Variants in RILPL1 observed in about 807,000 individuals in gnomAD.
RILPL1 encodes RILP-like protein 1.
A neutral mutation model predicts 50.3 loss-of-function variants in RILPL1; 33 were observed. The observed-to-expected ratio is 0.66, with a 90% CI of 0.50 to 0.88. The LOEUF (loss-of-function observed/expected upper bound fraction) is 0.88. RILPL1 is among the 40% of genes least tolerant of loss of function. RILPL1 has a pLI of 0.00. For synonymous variants in RILPL1, 205 were observed against 228.6 expected (o/e 0.90, Z 0.93); for missense variants, 418 against 542.5 (o/e 0.77, Z 2.28).
At chr12:123,518,500 CA>C (rs60479214) in intron 2 of RILPL1, 11,684 of 82,672 alleles carry the variant, frequency 0.14, 738 homozygotes, top group African/African-American at 0.32. Flanking sequence ...GAGACCTGTC[CA>C]AAAAAAAAAA....
chr12:123,492,343 C>T lies in RILPL1; in HGVS notation c.801+6201G>A, dbSNP rs112114080. ...AAGTTAAAGAAGCCAGGCAGGACCA[C>T]ATGTTGTAGGATCCCACTGATGCCA... On this transcript the variant is annotated intron_variant, in intron 4 of 6. Transcript: ENST00000376874. 3.1e-3 allele frequency among the ~76,000 whole-genome samples: 471 copies of T among 152,282 alleles called. 1 individual carries two copies. The highest frequency in any genetic ancestry group is 9.5e-3 in the African/African-American group (395 of 41,570).
chr12:123,528,166 C>A (rs966485168), intron 1 of RILPL1, among the ~76,000 whole-genome samples: 4 of 151,534 alleles, frequency 2.6e-5, no homozygotes, highest in African/African-American at 9.7e-5. Context: ...CAGGAGTCTG[C>A]AGCCAGCCTG....
intron 4 of RILPL1, among the ~76,000 whole-genome samples, chr12:123,486,833 C>G (rs1882373051): frequency 6.6e-6 from 1 of 151,822 alleles, no homozygotes; most frequent in South Asian, 2.1e-4. Flanking sequence ...CGGAATCTCT[C>G]TGTCACCCAG....
chr12:123,472,289 A>C lies in RILPL1; in HGVS notation c.*249T>G. ...TGGCCTCCGTTTGTGGGATTATTAA[A>C]TATATATCCTACGGGATCAGAGTCA... is the stretch of plus-strand genomic sequence containing the variant. On this transcript the variant is annotated 3_prime_UTR_variant, in exon 7 of 7. Transcript: ENST00000376874. The C allele has an allele frequency of 2.2e-6, 1 of 460,764 alleles. No individual in the cohort carries two copies. Among genetic ancestry groups the C allele is most frequent in the Admixed American group, 3.5e-5 (1 of 28,356 alleles). 28.5% of individuals were successfully genotyped at this position (460,764 alleles called of 1,614,324 possible).
At position 123,531,042 on chromosome 12, in the gene RILPL1, ACAGACTAAAC is replaced by A. The variant is rs1463320966; in HGVS notation, c.309+2122_309+2131del. Among the ~76,000 whole-genome samples, 8 of 152,166 alleles carry A rather than the reference ACAGACTAAAC, an allele frequency of 5.3e-5. No homozygotes were observed. The East Asian group carries it at 1.4e-3, about 26-fold the overall frequency. On this transcript the variant is annotated intron_variant, in intron 1 of 6. Transcript: ENST00000376874. ...GGAAAGGGAAGAGGAATGGAGGTGG[ACAGACTAAAC>A]CAGGACATGCCAAAAACATTTTTGT...
At chr12:123,497,308 T>A (rs1883093611) in intron 4 of RILPL1, among the ~76,000 whole-genome samples, 1 of 152,202 alleles carries the variant, frequency 6.6e-6, no homozygotes, top group Admixed American at 6.5e-5. Flanking sequence ...ATCCTCAAAC[T>A]CCTGGGCTCA....
Position 123,533,197 on chromosome 12 carries a change from C to T in RILPL1, c.286G>A (p.Glu96Lys). Residue 96 changes from glutamate to lysine, a missense_variant, in exon 1 of 7, where the codon GAG becomes AAG. By Grantham distance (56) the Glu-to-Lys change is moderately conservative. Transcript: ENST00000376874. This position sits in a 1 kb window ranked among gnomAD's most constrained non-coding sequence, Gnocchi z 6.2. ...ACCTTCTGGTGCTTGCGCTCCTTCT[C>T]GATGCGGTCCATCCTCTCCAGGCGC... is the stretch of plus-strand genomic sequence containing the variant. ...RLRLERMDRI[E>K]KERKHQKELE... 1 of 1,572,260 alleles carries T rather than the reference C, an allele frequency of 6.4e-7. No individual in the cohort carries two copies. The highest frequency in any genetic ancestry group is 2.3e-5 in the East Asian group (1 of 43,516).
At chr12:123,503,590 C>G (rs919731777) in intron 2 of RILPL1, among the ~76,000 whole-genome samples, 1 of 152,090 alleles carries the variant, frequency 6.6e-6, no homozygotes, top group African/African-American at 2.4e-5. Flanking sequence ...GTCTCTGCCT[C>G]TGTGGTCCCG....
chr12:123,504,149 T>C (rs1199709121), intron 2 of RILPL1, among the ~76,000 whole-genome samples: 1 of 152,164 alleles, frequency 6.6e-6, no homozygotes, highest in African/African-American at 2.4e-5. Context: ...GGGCTGCCAG[T>C]GCACACCTGC....
At position 123,470,189 on chromosome 12, in the gene RILPL1, G is replaced by T. The variant is rs1297900817; in HGVS notation, c.*2349C>A. 6.6e-6 allele frequency: 1 copy of T among 151,980 alleles called. No homozygotes were observed. 9.4% of individuals were successfully genotyped at this position (151,980 alleles called of 1,614,324 possible). On this transcript the variant is annotated 3_prime_UTR_variant, in exon 7 of 7. Transcript: ENST00000376874. The stretch of plus-strand genomic sequence containing the variant: ...GGATCTGCTGACTTATCAAAAAAGT[G>T]ACATTTGGCCAGGCACGGTGGCTCA...
At chr12:123,506,249 G>T (rs1342728917) in intron 2 of RILPL1, among the ~76,000 whole-genome samples, 3 of 152,242 alleles carry the variant, frequency 2.0e-5, no homozygotes, top group African/African-American at 7.2e-5. Context: ...AGGCCCTGGG[G>T]GAGGGGCTGC....
intron 4 of RILPL1, among the ~76,000 whole-genome samples, chr12:123,493,113 C>T (rs1042168717): frequency 2.6e-5 from 4 of 152,272 alleles, no homozygotes; most frequent in Non-Finnish European, 5.9e-5. Flanking sequence ...TCCTGCCTGT[C>T]CCTGGGCAAT....
chr12:123,472,595 G>A lies in RILPL1; in HGVS notation c.1155C>T (p.Asn385=). The change falls in exon 7 of 7, where the codon AAC becomes AAT. Residue 385 remains asparagine (N), a synonymous_variant. Transcript: ENST00000376874. ...CTGTGTAACCGTCATCGCGGTGGGT[G>A]TTTGCCCACTGTCCAAAGGACTCCT... The part of the protein sequence containing the change: ...HIQESFGQWA[N]THRDDGYTEQ... 2 of 1,568,024 alleles carry A rather than the reference G, an allele frequency of 1.3e-6. No homozygotes were observed. The highest frequency in any genetic ancestry group is 1.7e-6 in the Non-Finnish European group (2 of 1,156,082).
chr12:123,507,921 A>AC (rs1883851642), intron 2 of RILPL1, among the ~76,000 whole-genome samples: 1 of 148,788 alleles, frequency 6.7e-6, no homozygotes, highest in Non-Finnish European at 1.5e-5. Flanking sequence ...AGCCTGGGCA[A>AC]AGAGAGTGAA....
intron 6 of RILPL1, among the ~76,000 whole-genome samples, chr12:123,481,207 C>T (rs981776279): frequency 1.3e-5 from 2 of 152,008 alleles, no homozygotes; most frequent in African/African-American, 4.8e-5. Flanking sequence ...AATTACAAAA[C>T]TTAGCCGGGC....
intron 2 of RILPL1, chr12:123,513,223 T>G (rs78426500): frequency 0.18 from 44,505 of 250,642 alleles, 4,390 homozygotes; most frequent in South Asian, 0.22. Context: ...TATGTGTGTG[T>G]CGTGTGTGTT....
At chr12:123,480,544 C>T (rs1267256918) in intron 6 of RILPL1, among the ~76,000 whole-genome samples, 1 of 152,060 alleles carries the variant, frequency 6.6e-6, no homozygotes, top group Non-Finnish European at 1.5e-5. Flanking sequence ...TCCCTCAGCC[C>T]ATGCAGAGAC....
At chr12:123,525,638 T>C (rs28707421) in intron 1 of RILPL1, among the ~76,000 whole-genome samples, 81,774 of 142,992 alleles carry the variant, frequency 0.57, 24,727 homozygotes, top group East Asian at 0.9. Flanking sequence ...GAGGTGGAGG[T>C]TGTGGTGAGC....
chr12:123,502,401 G>A (rs1000156269), intron 2 of RILPL1, among the ~76,000 whole-genome samples: 9 of 152,212 alleles, frequency 5.9e-5, no homozygotes, highest in Non-Finnish European at 1.3e-4. Flanking sequence ...TTGTTATCGG[G>A]CATGCAAGCG....
Sources: allele counts gnomAD v4.1 joint callset (sites outside exome capture counted in the v4.1 genomes callset), GRCh38; gene constraint gnomAD v4.1.1; non-coding constraint Gnocchi (gnomAD v3.1); transcripts MANE v1.5; gene names NCBI Gene and HGNC (gene_info 2026-07-23, HGNC 2026-07-21).